The following LRRC49 variants were observed in gnomAD, a reference collection of about 807,000 sequenced individuals.
LRRC49 encodes the protein leucine-rich repeat-containing protein 49.
Under a neutral mutation model 83.3 loss-of-function variants are expected in LRRC49, and 50 were observed. The ratio of observed to expected loss-of-function variants is 0.60; its 90% CI spans 0.48 to 0.76. The LOEUF is 0.76. Among genes scored for constraint, LRRC49 ranks in the 30% least tolerant of loss-of-function variants. The pLI, the probability that LRRC49 is intolerant of heterozygous loss-of-function variation, is 0.00. For synonymous variants in LRRC49, 286 were observed against 283.3 expected (o/e 1.01, Z -0.10); for missense variants, 704 against 809.1 (o/e 0.87, Z 1.58).
rs187049966 is a variant in LRRC49 at position 71,010,228 on chromosome 15, T to C, written c.1593+236T>C. ...GGTTATAGTAAATGGCAAATACTTATACTGTTGTTTGTAAGCATTCAGTGA... is the reference window on the plus strand; with the variant it reads ...GGTTATAGTAAATGGCAAATACTTACACTGTTGTTTGTAAGCATTCAGTGA... On this transcript the variant is annotated intron_variant, in intron 13 of 15. Transcript: ENST00000260382. 1.5e-3 allele frequency among the ~76,000 whole-genome samples: 222 copies of C among 152,156 alleles called. 2 individuals are homozygous for C. The Middle Eastern group carries it at 0.017, about 12-fold the overall frequency.
chr15:70,932,032 TAGTC>T (rs1284123244), intron 7 of LRRC49, among the ~76,000 whole-genome samples: 1 of 152,200 alleles, frequency 6.6e-6, no homozygotes, highest in African/African-American at 2.4e-5. Flanking sequence ...TTTCCCTAAT[TAGTC>T]AGCATATCAG....
intron 14 of LRRC49, among the ~76,000 whole-genome samples, chr15:71,031,943 G>A (rs1191967885): frequency 6.6e-6 from 1 of 152,138 alleles, no homozygotes; most frequent in Non-Finnish European, 1.5e-5. Context: ...GTGGGAGTGG[G>A]ACCCACTGAG....
intron 1 of LRRC49, among the ~76,000 whole-genome samples, chr15:70,872,420 G>T (rs1459784345): frequency 2.6e-5 from 4 of 151,838 alleles, no homozygotes; most frequent in Non-Finnish European, 5.9e-5. Context: ...GAGAGGGAGA[G>T]GAGGAGGGGG....
chr15:70,896,050 C>A, intron 3 of LRRC49, 114 bp downstream of exon 3: 1 of 621,814 alleles, frequency 1.6e-6, no homozygotes. Context: ...TGAAATTGTT[C>A]ATTGGGACCA....
intron 2 of LRRC49, among the ~76,000 whole-genome samples, chr15:70,880,003 T>C (rs1462864909): frequency 6.6e-6 from 1 of 152,220 alleles, no homozygotes; most frequent in African/African-American, 2.4e-5. Context: ...GGTCTGGTCC[T>C]ATATACCATT....
intron 4 of LRRC49, among the ~76,000 whole-genome samples, chr15:70,903,020 G>A (rs539842493): frequency 2.1e-4 from 32 of 152,152 alleles, no homozygotes; most frequent in Non-Finnish European, 3.2e-4. Flanking sequence ...TTCAATCTAC[G>A]GTAGTTTAGG....
Position 70,859,803 on chromosome 15 carries a change from G to A in LRRC49, c.-299+6334G>A, listed in dbSNP as rs1279330628. ...CTGGAGGCCTCTCTGCAATGGGCCA[G>A]GCAGGATATGGTGTGGCAGCTGCGT... On this transcript the variant is annotated intron_variant, in intron 1 of 16. Coordinates refer to the LRRC49 transcript ENST00000544974. 1.2e-5 allele frequency: 9 copies of A among 752,506 alleles called. No individual in the cohort carries two copies. In the Admixed American group the frequency reaches 1.4e-4, roughly 12 times the overall value. 46.6% of individuals were successfully genotyped at this position (752,506 alleles called of 1,614,324 possible).
At chr15:70,930,976 A>G (rs535704051) in intron 7 of LRRC49, among the ~76,000 whole-genome samples, 9 of 152,122 alleles carry the variant, frequency 5.9e-5, no homozygotes, top group African/African-American at 1.9e-4. Flanking sequence ...TATTGTTTTT[A>G]TTTATTAATT....
At chr15:70,954,514 G>A (rs1342159772) in intron 8 of LRRC49, among the ~76,000 whole-genome samples, 1 of 152,156 alleles carries the variant, frequency 6.6e-6, no homozygotes, top group African/African-American at 2.4e-5. Context: ...GGTTTTTAGA[G>A]TTGCCAGAGT....
intron 4 of LRRC49, 127 bp from the exon 5 acceptor site, chr15:70,904,425 T>C (rs2034213373): frequency 1.7e-6 from 1 of 597,934 alleles, no homozygotes; most frequent in Non-Finnish European, 3.0e-6. Flanking sequence ...TTCATGGGGG[T>C]TGGAAGTGGT....
At chr15:70,976,982 C>T (rs894522825) in intron 9 of LRRC49, among the ~76,000 whole-genome samples, 1 of 152,044 alleles carries the variant, frequency 6.6e-6, no homozygotes, top group Non-Finnish European at 1.5e-5. Flanking sequence ...TCCTTTTAAG[C>T]CCTACTGCCT....
At chr15:70,985,746 G>A (rs1328551844) in intron 11 of LRRC49, among the ~76,000 whole-genome samples, 2 of 149,784 alleles carry the variant, frequency 1.3e-5, no homozygotes, top group Admixed American at 1.3e-4. Context: ...TTTCTTCTAG[G>A]GTTTTTATGG....
chr15:70,947,015 G>C (rs1318888550), intron 8 of LRRC49, among the ~76,000 whole-genome samples: 1 of 152,114 alleles, frequency 6.6e-6, no homozygotes, highest in Non-Finnish European at 1.5e-5. Context: ...GGGAAGCACT[G>C]AGTAAATGTG....
chr15:71,002,938 C>CTTTTTTT (rs1384649066), intron 11 of LRRC49, among the ~76,000 whole-genome samples: 1 of 29,664 alleles, frequency 3.4e-5, no homozygotes, highest in African/African-American at 8.4e-5. Context: ...TATTTTCTGG[C>CTTTTTTT]CTTTTTTTTT....
intron 6 of LRRC49, among the ~76,000 whole-genome samples, chr15:70,914,236 G>GAACT (rs1420154176): frequency 1.3e-5 from 2 of 152,028 alleles, no homozygotes; most frequent in Non-Finnish European, 2.9e-5. Context: ...AGCCAGGAAG[G>GAACT]AACTATTCTA....
At chr15:70,980,070 T>C (rs746833691) in intron 9 of LRRC49, 31 bp from the exon 10 acceptor site, 3 of 1,456,514 alleles carry the variant, frequency 2.1e-6, no homozygotes, top group Admixed American at 1.9e-5. Context: ...GGTTAAACTC[T>C]TCATAATACT....
At chr15:71,026,724 C>T (rs2039185257) in intron 14 of LRRC49, among the ~76,000 whole-genome samples, 1 of 152,146 alleles carries the variant, frequency 6.6e-6, no homozygotes. Context: ...TGTTTGTTGG[C>T]CACATAAATG....
rs1253749295 is a variant in LRRC49, at chr15:70,893,160, A to G, written c.48+218A>G. ...TTGTCCAGGATCTGGGCTCCCCAGAAGGTGGAGCTGGTCTGCTGTGAAAGG... is the reference window on the plus strand; with the variant it reads ...TTGTCCAGGATCTGGGCTCCCCAGAGGGTGGAGCTGGTCTGCTGTGAAAGG... On this transcript the variant is annotated intron_variant, in intron 1 of 15. Transcript: ENST00000260382. 6.5e-6 allele frequency: 4 copies of G among 615,526 alleles called. No homozygotes were observed. The East Asian group carries it at 1.1e-4, about 17-fold the overall frequency. 38.1% of individuals were successfully genotyped at this position (615,526 alleles called of 1,614,324 possible). A position where few individuals can be genotyped will look rare whatever the true frequency, so the allele number is the denominator to read the frequency against.
upstream of LRRC49, among the ~76,000 whole-genome samples, chr15:70,891,481 T>C (rs952765788): frequency 5.3e-5 from 8 of 152,032 alleles, no homozygotes; most frequent in East Asian, 1.5e-3. Context: ...ACTCCAATCC[T>C]GGAGATTTGC....
Sources: gnomAD v4.1 joint callset for allele counts (sites outside exome capture counted in the v4.1 genomes callset) on GRCh38, gnomAD v4.1.1 for gene constraint, MANE v1.5 for transcripts, NCBI Gene and HGNC (gene_info 2026-07-23, HGNC 2026-07-21) for gene names.